SLC66A3: variants seen among roughly 807,000 people sequenced by gnomAD.
SLC66A3 encodes the protein PQ loop repeat containing 3.
Under a neutral mutation model 25.5 loss-of-function variants are expected in SLC66A3, and 23 were observed. The observed-to-expected ratio is 0.90, with a 90% CI of 0.65 to 1.28. SLC66A3 has a LOEUF of 1.28. Among genes scored for constraint, SLC66A3 ranks in the 50% most tolerant of loss-of-function variants. The pLI is 0.00. For synonymous variants in SLC66A3, 108 were observed against 112.6 expected, an observed-to-expected ratio of 0.96 and a Z score of 0.26; for missense variants, 246 against 262.1, an observed-to-expected ratio of 0.94 and a Z score of 0.42.
chr2:11,168,869 T>C (rs879051411), intron 4 of SLC66A3, among the ~76,000 whole-genome samples: 1 of 152,060 alleles, frequency 6.6e-6, no homozygotes, highest in Non-Finnish European at 1.5e-5. Context: ...CCTTTTTTTT[T>C]TCTTGTGAGA....
At chr2:11,170,907 A>G (rs964924963) in intron 4 of SLC66A3, among the ~76,000 whole-genome samples, 7 of 151,930 alleles carry the variant, frequency 4.6e-5, no homozygotes, top group Non-Finnish European at 1.0e-4. Context: ...CTTACTTCTC[A>G]TTGGAGGTGT....
At chr2:11,167,303 T>G (rs1484256340) in intron 4 of SLC66A3, among the ~76,000 whole-genome samples, 1 of 151,754 alleles carries the variant, frequency 6.6e-6, no homozygotes, top group Non-Finnish European at 1.5e-5. Context: ...ATTATCTGGG[T>G]GTGGTGGCGC....
At chr2:11,165,365 C>T (rs1662293400) in intron 4 of SLC66A3, among the ~76,000 whole-genome samples, 1 of 150,784 alleles carries the variant, frequency 6.6e-6, no homozygotes, top group Non-Finnish European at 1.5e-5. Context: ...CAGAGACACT[C>T]CTCACTTCCT....
intron 4 of SLC66A3, among the ~76,000 whole-genome samples, chr2:11,168,309 A>G (rs991779755): frequency 2.6e-5 from 4 of 151,678 alleles, no homozygotes; most frequent in Admixed American, 6.6e-5. Context: ...TCTCCGTGAC[A>G]GCTAAGCATC....
At chr2:11,168,201 C>A (rs1008007283) in intron 4 of SLC66A3, among the ~76,000 whole-genome samples, 1 of 151,462 alleles carries the variant, frequency 6.6e-6, no homozygotes, top group Non-Finnish European at 1.5e-5. Context: ...AGGAGAATGG[C>A]GTGAACCCGG....
chr2:11,155,801 C>G, intron 1 of SLC66A3, 112 bp downstream of exon 1: 3 of 1,091,452 alleles, frequency 2.7e-6, no homozygotes, highest in Non-Finnish European at 3.6e-6. Context: ...CGCGCGCCGG[C>G]GTCGCAGCTG....
At position 11,169,964 on chromosome 2, in the gene SLC66A3, G is replaced by A. The variant is rs890086371; in HGVS notation, c.355-1961G>A. Among the ~76,000 whole-genome samples, 9 of 148,850 alleles carry A rather than the reference G, an allele frequency of 6.0e-5. No individual in the cohort carries two copies. The East Asian group carries it at 6.1e-4, about 10-fold the overall frequency. On this transcript the variant is annotated intron_variant, in intron 4 of 6. Coordinates refer to ENST00000295083, the MANE Select transcript of SLC66A3 (RefSeq NM_152391.5). ...AGTGATTCTCCTGCCTCAGCCTCCC[G>A]AGTAGCTGGGACTACAGGCACGTGC... is the stretch of plus-strand genomic sequence containing the variant.
At position 11,155,483 on chromosome 2, in the gene SLC66A3, G is replaced by T. The variant is rs925434591; in HGVS notation, c.-64G>T. The T allele has an allele frequency of 5.7e-6, 8 of 1,413,482 alleles. No homozygotes were observed. In the African/African-American group the frequency reaches 7.5e-5, roughly 13 times the overall value. 87.6% of individuals were successfully genotyped at this position (1,413,482 alleles called of 1,614,324 possible). On this transcript the variant is annotated 5_prime_UTR_variant, in exon 1 of 7. Coordinates refer to ENST00000295083, the MANE Select transcript of SLC66A3 (RefSeq NM_152391.5). ...GAAGGCGGAAGGCTTCGGCAGAGCT[G>T]CGCCGCCGAGGCTGAGCGGTCCCTT...
At chr2:11,167,779 A>G (rs986198035) in intron 4 of SLC66A3, among the ~76,000 whole-genome samples, 22 of 152,160 alleles carry the variant, frequency 1.4e-4, no homozygotes, top group African/African-American at 5.1e-4. Flanking sequence ...GAGCTCACAC[A>G]TGGTAGCAAA....
chr2:11,176,121 A>G (rs1386843294), intron 6 of SLC66A3, among the ~76,000 whole-genome samples: 1 of 152,216 alleles, frequency 6.6e-6, no homozygotes, highest in Non-Finnish European at 1.5e-5. Context: ...CCTATACATT[A>G]GAAATTAAAA....
At chr2:11,169,838 T>TC (rs1491342335) in intron 4 of SLC66A3, among the ~76,000 whole-genome samples, 6 of 49,408 alleles carry the variant, frequency 1.2e-4, no homozygotes, top group African/African-American at 3.3e-4. Context: ...GATTTCTCTC[T>TC]TTTTTTTTTT....
At chr2:11,169,881 C>T (rs1662487290) in intron 4 of SLC66A3, among the ~76,000 whole-genome samples, 1 of 132,066 alleles carries the variant, frequency 7.6e-6, no homozygotes, top group Admixed American at 9.2e-5. Context: ...GCTCTGTCAC[C>T]AGGCTGGAAT....
chr2:11,158,174 G>A (rs766804758), intron 1 of SLC66A3, among the ~76,000 whole-genome samples: 3 of 152,208 alleles, frequency 2.0e-5, no homozygotes, highest in Non-Finnish European at 2.9e-5. Context: ...TCAGATGCCC[G>A]GCTGGCATGA....
rs1662833012 is a variant in SLC66A3 at position 11,178,124 on chromosome 2, A to T, written c.*296A>T. On this transcript the variant is annotated 3_prime_UTR_variant, in exon 7 of 7. Transcript: ENST00000295083. The stretch of plus-strand genomic sequence containing the variant: ...CCATTTTGAGGCCATTTTGAGCCTT[A>T]CTCTTAAGTTCTCTATGAAGAACTA... 1 of 234,902 alleles carries T rather than the reference A, an allele frequency of 4.3e-6. No individual in the cohort carries two copies. The highest frequency in any genetic ancestry group is 8.9e-5 in the East Asian group (1 of 11,216). The allele number at this position is 234,902 out of a possible 1,614,324, so 14.6% of individuals were successfully genotyped here. A position where few individuals can be genotyped will look rare whatever the true frequency, so the allele number is the denominator to read the frequency against.
intron 1 of SLC66A3, among the ~76,000 whole-genome samples, chr2:11,159,285 GA>G (rs962603137): frequency 1.3e-5 from 2 of 152,224 alleles, no homozygotes; most frequent in African/African-American, 4.8e-5. Context: ...CAGGGGAACA[GA>G]GGGGGCTGCT....
chr2:11,160,850 C>A, intron 3 of SLC66A3, 156 bp downstream of exon 3: 1 of 1,234,336 alleles, frequency 8.1e-7, no homozygotes, highest in Non-Finnish European at 1.1e-6. Flanking sequence ...CCATGTACAC[C>A]AGAGATGCCC....
intron 1 of SLC66A3, among the ~76,000 whole-genome samples, chr2:11,156,586 G>A (rs998229442): frequency 6.6e-6 from 1 of 152,156 alleles, no homozygotes; most frequent in African/African-American, 2.4e-5. Flanking sequence ...GTGCGGGGGA[G>A]AAAGAGGAGA....
chr2:11,169,913 A>G (rs774203906), intron 4 of SLC66A3, among the ~76,000 whole-genome samples: 10 of 135,274 alleles, frequency 7.4e-5, no homozygotes, highest in Non-Finnish European at 1.2e-4. Context: ...ATCTTGGCTC[A>G]CTGCAACCTC....
At chr2:11,167,576 T>C (rs181098913) in intron 4 of SLC66A3, among the ~76,000 whole-genome samples, 1 of 152,358 alleles carries the variant, frequency 6.6e-6, no homozygotes, top group East Asian at 1.9e-4. Flanking sequence ...TCATGGAATA[T>C]AATTTTGATT....
Sources: gnomAD v4.1 joint callset for allele counts (sites outside exome capture counted in the v4.1 genomes callset) on GRCh38, gnomAD v4.1.1 for gene constraint, MANE v1.5 for transcripts, NCBI Gene and HGNC (gene_info 2026-07-23, HGNC 2026-07-21) for gene names.